H2BK1: variants seen among roughly 807,000 people sequenced by gnomAD.
The protein encoded by H2BK1 is histone H2B type 2-K1.
chr7:151,207,915 A>G, the H2BK1 span: 5 of 1,151,304 alleles, frequency 4.3e-6, no homozygotes, highest in Non-Finnish European at 6.6e-6. Context: ...GTGCCCTCAG[A>G]CACAGCGTGC....
At chr7:151,207,981 T>A in the H2BK1 span, 4 of 1,483,834 alleles carry the variant, frequency 2.7e-6, no homozygotes, top group Admixed American at 6.7e-5. Context: ...TCTCGGGATG[T>A]CAGGGTGGTC....
the H2BK1 span, chr7:151,207,838 A>G: frequency 1.2e-6 from 1 of 805,800 alleles, no homozygotes; most frequent in Non-Finnish European, 2.2e-6. Context: ...GGGCACAGAA[A>G]CAGTTCACCC....
chr7:151,208,678 T>C, the H2BK1 span, among the ~76,000 whole-genome samples: 1 of 152,156 alleles, frequency 6.6e-6, no homozygotes, highest in African/African-American at 2.4e-5. Flanking sequence ...AGTGAGCCTG[T>C]CCATGTGACA....
At chr7:151,207,870 G>A in the H2BK1 span, 1 of 945,744 alleles carries the variant, frequency 1.1e-6, no homozygotes, top group Non-Finnish European at 1.7e-6. Flanking sequence ...CAGGCCCTGG[G>A]TCACTTGGAG....
At chr7:151,208,896 G>A in the H2BK1 span, among the ~76,000 whole-genome samples, 1 of 152,176 alleles carries the variant, frequency 6.6e-6, no homozygotes, top group South Asian at 2.1e-4. Context: ...TGAAGTGGGA[G>A]AGAAGTGACT....
the H2BK1 span, among the ~76,000 whole-genome samples, chr7:151,209,656 G>C: frequency 6.6e-6 from 1 of 152,134 alleles, no homozygotes; most frequent in Non-Finnish European, 1.5e-5. Context: ...CAGGGGAACT[G>C]GGACACTGCC....
chr7:151,209,702 C>T, the H2BK1 span, among the ~76,000 whole-genome samples: 22 of 152,132 alleles, frequency 1.4e-4, no homozygotes, highest in Non-Finnish European at 2.9e-4. Flanking sequence ...CCCCATGGAG[C>T]CTTTAGGGGC....
chr7:151,208,075 G>A, the H2BK1 span: 1 of 1,614,208 alleles, frequency 6.2e-7, no homozygotes, highest in South Asian at 1.1e-5. Context: ...TGATGCTCAT[G>A]GCCTTGGCAG....
At chr7:151,210,059 G>A in the H2BK1 span, 1 of 396,144 alleles carries the variant, frequency 2.5e-6, no homozygotes, top group Non-Finnish European at 4.4e-6. Context: ...CACCTCAAGA[G>A]GGGCCAGGCC....
chr7:151,209,480 G>C, the H2BK1 span, among the ~76,000 whole-genome samples: 1 of 152,210 alleles, frequency 6.6e-6, no homozygotes, highest in Non-Finnish European at 1.5e-5. Context: ...CCTCCTCCTG[G>C]CCTTGGCCCT....
the H2BK1 span, chr7:151,207,961 C>CG: frequency 7.3e-7 from 1 of 1,377,570 alleles, no homozygotes; most frequent in African/African-American, 1.4e-5. Context: ...GACGCACAGC[C>CG]GTCTGGACTT....
the H2BK1 span, chr7:151,208,045 G>C: frequency 6.2e-7 from 1 of 1,614,024 alleles, no homozygotes; most frequent in Non-Finnish European, 8.5e-7. Context: ...GCTCAAACAC[G>C]TCGTTTACAA....
At chr7:151,208,145 G>A in the H2BK1 span, 4 of 1,603,698 alleles carry the variant, frequency 2.5e-6, no homozygotes, top group Non-Finnish European at 2.6e-6. Context: ...AATGGAAGGG[G>A]CCAGGGGAGG....
At chr7:151,209,599 T>C in the H2BK1 span, among the ~76,000 whole-genome samples, 5 of 152,106 alleles carry the variant, frequency 3.3e-5, no homozygotes, top group African/African-American at 9.7e-5. Flanking sequence ...CCCCAGTGTG[T>C]TGGGGAGACG....
At chr7:151,209,721 G>A in the H2BK1 span, among the ~76,000 whole-genome samples, 1 of 152,094 alleles carries the variant, frequency 6.6e-6, no homozygotes, top group Non-Finnish European at 1.5e-5. Flanking sequence ...GCCTCAAGCT[G>A]TTTGTCTATA....
At chr7:151,208,143 G>T in the H2BK1 span, 1 of 1,609,608 alleles carries the variant, frequency 6.2e-7, no homozygotes, top group Non-Finnish European at 8.5e-7. Flanking sequence ...TTAATGGAAG[G>T]GGCCAGGGGA....
At chr7:151,210,120 C>A in the H2BK1 span, 1 of 397,652 alleles carries the variant, frequency 2.5e-6, no homozygotes, top group Non-Finnish European at 4.4e-6. Flanking sequence ...GTCCCCACTT[C>A]CAGCCAGTGC....
the H2BK1 span, among the ~76,000 whole-genome samples, chr7:151,208,465 T>C: frequency 6.6e-6 from 1 of 152,236 alleles, no homozygotes; most frequent in Non-Finnish European, 1.5e-5. Flanking sequence ...ACGGTATGGA[T>C]GTATCATACT....
At chr7:151,208,193 T>A in the H2BK1 span, 1 of 1,418,538 alleles carries the variant, frequency 7.0e-7, no homozygotes, top group Non-Finnish European at 9.9e-7. Flanking sequence ...AGCCCTGAGC[T>A]GGGGGCTCTA....
Sources: allele counts gnomAD v4.1 joint callset (sites outside exome capture counted in the v4.1 genomes callset), GRCh38; gene constraint gnomAD v4.1.1; transcripts MANE v1.5; gene names NCBI Gene and HGNC (gene_info 2026-07-23, HGNC 2026-07-21).